Variants in SPIRE2 observed in about 807,000 individuals in gnomAD.
SPIRE2 encodes spire type actin nucleation factor 2, also known as protein spire homolog 2.
In SPIRE2, 76 loss-of-function variants were observed where a neutral mutation model predicts 80.7. The ratio of observed to expected loss-of-function variants is 0.94; its 90% CI spans 0.78 to 1.14. The LOEUF is 1.14. SPIRE2 is among the 50% of genes most tolerant of loss of function. The pLI is 0.00. For missense variants in SPIRE2, 1,196 were observed against 1,015.3 expected (o/e 1.18, Z -2.42); for synonymous variants, 535 against 432.6 (o/e 1.24, Z -2.94).
At chr16:89,842,145 C>T (rs2041511634) in intron 1 of SPIRE2, among the ~76,000 whole-genome samples, 1 of 151,700 alleles carries the variant, frequency 6.6e-6, no homozygotes, top group African/African-American at 2.4e-5. Flanking sequence ...AATCTCTCAT[C>T]TCAGAACCCA....
At chr16:89,855,579 G>C (rs759365275) in intron 5 of SPIRE2, 21 bp from the exon 6 acceptor site, 42 of 1,609,912 alleles carry the variant, frequency 2.6e-5, no homozygotes, top group Admixed American at 8.4e-5. Context: ...CAGGGCCTCA[G>C]ATCAGCCGTC....
rs2041346857 is a variant in SPIRE2, at chr16:89,828,513, C to A, written c.-38C>A. On this transcript the variant is annotated 5_prime_UTR_variant, in exon 1 of 15. Transcript: ENST00000378247. The surrounding 1 kb of genome is among the most constrained non-coding windows in gnomAD (Gnocchi z 5.9). ...GCGGCGGAAGGCGCGGCTGCATGGACGCGGGTCCGGCGCGCGGGAGGCGAT... is the reference window on the plus strand; with the variant it reads ...GCGGCGGAAGGCGCGGCTGCATGGAAGCGGGTCCGGCGCGCGGGAGGCGAT... The A allele has an allele frequency of 9.8e-7, 1 of 1,022,366 alleles. No homozygotes were observed. Among genetic ancestry groups the A allele is most frequent in the South Asian group, 4.5e-5 (1 of 22,366 alleles). 63.3% of individuals were successfully genotyped at this position (1,022,366 alleles called of 1,614,324 possible).
At position 89,850,555 on chromosome 16, in the gene SPIRE2, C is replaced by G; in HGVS notation, c.540C>G (p.Thr180=). The part of the protein sequence containing the change: ...QAMRLCAARL[T]DPRGAQAHYQ... ...TGCGGCTGTGCGCGGCGCGGCTGAC[C>G]GACCCCCGGGGCGCACAGGCGCATT... is the stretch of plus-strand genomic sequence containing the variant. The change falls in exon 3 of 15, where the codon ACC becomes ACG. Residue 180 remains threonine (T), a synonymous_variant. Coordinates refer to ENST00000378247, the MANE Select transcript of SPIRE2 (RefSeq NM_032451.2). 1 of 1,512,616 alleles carries G rather than the reference C, an allele frequency of 6.6e-7. No individual in the cohort carries two copies. Among genetic ancestry groups the G allele is most frequent in the Non-Finnish European group, 8.8e-7 (1 of 1,135,118 alleles). 93.7% of individuals were successfully genotyped at this position (1,512,616 alleles called of 1,614,324 possible).
chr16:89,838,413 ACCTCAGGT>A (rs905759933), intron 1 of SPIRE2, among the ~76,000 whole-genome samples: 30 of 152,046 alleles, frequency 2.0e-4, no homozygotes, highest in Non-Finnish European at 3.5e-4. Flanking sequence ...TGAACCCCTT[ACCTCAGGT>A]GATCGGCCTG....
Position 89,828,516 on chromosome 16 carries a change from G to A in SPIRE2, c.-35G>A, listed in dbSNP as rs2041346916. On this transcript the variant is annotated 5_prime_UTR_variant, in exon 1 of 15. Transcript: ENST00000378247. The surrounding 1 kb of genome is among the most constrained non-coding windows in gnomAD (Gnocchi z 5.9). ...GCGGAAGGCGCGGCTGCATGGACGC[G>A]GGTCCGGCGCGCGGGAGGCGATGAC... 1 of 1,028,226 alleles carries A rather than the reference G, an allele frequency of 9.7e-7. No individual in the cohort carries two copies. The highest frequency in any genetic ancestry group is 1.2e-6 in the Non-Finnish European group (1 of 859,684). The allele number at this position is 1,028,226 out of a possible 1,614,324, so 63.7% of individuals were successfully genotyped here.
chr16:89,828,701 C>T lies in SPIRE2; in HGVS notation c.151C>T (p.Leu51=). The change falls in exon 1 of 15, where the codon CTG becomes TTG. Residue 51 remains leucine, a synonymous_variant. Coordinates refer to ENST00000378247, the MANE Select transcript of SPIRE2 (RefSeq NM_032451.2). The surrounding 1 kb of genome is among the most constrained non-coding windows in gnomAD (Gnocchi z 5.9). The stretch of plus-strand genomic sequence containing the variant: ...CGTGTGCTTCCAGGGCTGCCGCGGG[C>T]TGCGGGGCTCGCCGGGCCGGCGCCT... ...WAVCFQGCRG[L]RGSPGRRLRD... 7.8e-7 allele frequency: 1 copy of T among 1,285,568 alleles called. No individual in the cohort carries two copies. Among genetic ancestry groups the T allele is most frequent in the Non-Finnish European group, 9.9e-7 (1 of 1,013,018 alleles). The allele number at this position is 1,285,568 out of a possible 1,614,324, so 79.6% of individuals were successfully genotyped here.
At position 89,850,318 on chromosome 16, in the gene SPIRE2, C is replaced by A. The variant is rs778060189; in HGVS notation, c.303C>A (p.Leu101=). ...ASSEAQTVQS[L]GFAIYRALDW... is the part of the protein sequence containing the mutation. ...CTGTCCCGCAGACCGTGCAGTCCCT[C>A]GGCTTCGCCATCTACCGCGCGCTGG... The change falls in exon 3 of 15, where the codon CTC becomes CTA. Residue 101 remains leucine (L), a synonymous_variant. Coordinates refer to ENST00000378247, the MANE Select transcript of SPIRE2 (RefSeq NM_032451.2). 1.7e-5 allele frequency: 27 copies of A among 1,603,174 alleles called. No individual in the cohort carries two copies. Among genetic ancestry groups the A allele is most frequent in the Non-Finnish European group, 2.0e-5 (24 of 1,177,368 alleles).
intron 1 of SPIRE2, among the ~76,000 whole-genome samples, chr16:89,836,810 T>A (rs2041454352): frequency 6.9e-6 from 1 of 144,140 alleles, no homozygotes; most frequent in Non-Finnish European, 1.5e-5. Context: ...AGAAACCCCG[T>A]CTCTACTGAA....
At position 89,854,491 on chromosome 16, in the gene SPIRE2, G is replaced by A. The variant is rs553227806; in HGVS notation, c.731G>A (p.Arg244Gln). ...LDSLGHTDWA[R>Q]LWVQLMRELR... Reference sequence around the variant, plus strand: ...TTCTCTTCCCCTGGGGCCCAGGCCCGACTGTGGGTTCAGCTCATGCGGGAG... The same window carrying A: ...TTCTCTTCCCCTGGGGCCCAGGCCCAACTGTGGGTTCAGCTCATGCGGGAG... Residue 244 changes from arginine (R) to glutamine (Q), a missense_variant, in exon 5 of 15, where the codon CGA becomes CAA. Physicochemically the swap from Arg to Gln is conservative, Grantham distance 43. Transcript: ENST00000378247. 5.6e-6 allele frequency: 9 copies of A among 1,612,232 alleles called. No homozygotes were observed. Among genetic ancestry groups the A allele is most frequent in the South Asian group, 2.2e-5 (2 of 91,064 alleles).
In SPIRE2 at chr16:89,828,824, G is replaced by C; in HGVS notation, c.244+30G>C. On this transcript the variant is annotated intron_variant, in intron 1 of 14. Coordinates refer to ENST00000378247, the MANE Select transcript of SPIRE2 (RefSeq NM_032451.2). This position sits in a 1 kb window ranked among gnomAD's most constrained non-coding sequence, Gnocchi z 5.9. Reference sequence around the variant, plus strand: ...GGCCGGGGGCGGGGCAGCCGGCGGGGACCGCGGTCTGGGGCGTCCGTCCCG... The same window carrying C: ...GGCCGGGGGCGGGGCAGCCGGCGGGCACCGCGGTCTGGGGCGTCCGTCCCG... 8.5e-7 allele frequency: 1 copy of C among 1,173,718 alleles called. No individual in the cohort carries two copies. The highest frequency in any genetic ancestry group is 1.6e-5 in the African/African-American group (1 of 62,184). The allele number at this position is 1,173,718 out of a possible 1,614,324, so 72.7% of individuals were successfully genotyped here. A position where few individuals can be genotyped will look rare whatever the true frequency, so the allele number is the denominator to read the frequency against.
chr16:89,839,877 G>T (rs1373875122), intron 1 of SPIRE2, among the ~76,000 whole-genome samples: 4 of 152,246 alleles, frequency 2.6e-5, no homozygotes, highest in African/African-American at 9.6e-5. Context: ...AGGGGGCCCT[G>T]GTGGCCTCAC....
At position 89,828,526 on chromosome 16, in the gene SPIRE2, C is replaced by G; in HGVS notation, c.-25C>G. On this transcript the variant is annotated 5_prime_UTR_variant, in exon 1 of 15. Coordinates refer to ENST00000378247, the MANE Select transcript of SPIRE2 (RefSeq NM_032451.2). The surrounding 1 kb of genome is among the most constrained non-coding windows in gnomAD (Gnocchi z 5.9). ...CGGCTGCATGGACGCGGGTCCGGCG[C>G]GCGGGAGGCGATGACGGCCCCGCCA... 2 of 1,048,904 alleles carry G rather than the reference C, an allele frequency of 1.9e-6. No homozygotes were observed. The highest frequency in any genetic ancestry group is 2.3e-6 in the Non-Finnish European group (2 of 873,054). The allele number at this position is 1,048,904 out of a possible 1,614,324, so 65.0% of individuals were successfully genotyped here. A position where few individuals can be genotyped will look rare whatever the true frequency, so the allele number is the denominator to read the frequency against.
In SPIRE2 at chr16:89,834,988, G is replaced by A. The variant is rs188007828; in HGVS notation, c.244+6194G>A. Among the ~76,000 whole-genome samples, 645 of 143,980 alleles carry A rather than the reference G, an allele frequency of 4.5e-3. 13 individuals carry two copies. Among genetic ancestry groups the A allele is most frequent in the Admixed American group, 0.041 (586 of 14,328 alleles). The allele number at this position is 143,980 out of a possible 152,430, so 94.5% of individuals were successfully genotyped here. A position where few individuals can be genotyped will look rare whatever the true frequency, so the allele number is the denominator to read the frequency against. On this transcript the variant is annotated intron_variant, in intron 1 of 14. Transcript: ENST00000378247. The stretch of plus-strand genomic sequence containing the variant: ...GTAGAAGGCCCCATAAGCATAGCCC[G>A]GGTGAATCTGTGAACCTGCCCGCAC...
At chr16:89,838,214 A>G (rs2041469680) in intron 1 of SPIRE2, among the ~76,000 whole-genome samples, 1 of 121,502 alleles carries the variant, frequency 8.2e-6, no homozygotes. Context: ...ACGGGATCTT[A>G]CCACATTGCC....
chr16:89,842,853 G>A (rs1390034159), intron 1 of SPIRE2, among the ~76,000 whole-genome samples: 2 of 152,194 alleles, frequency 1.3e-5, no homozygotes, highest in African/African-American at 2.4e-5. Flanking sequence ...GCCACACATT[G>A]TTCTATGAAC....
chr16:89,831,851 C>T (rs2041387077), intron 1 of SPIRE2, among the ~76,000 whole-genome samples: 1 of 151,314 alleles, frequency 6.6e-6, no homozygotes, highest in African/African-American at 2.4e-5. Flanking sequence ...AGAGCACTGG[C>T]TCTGGGGTTC....
intron 1 of SPIRE2, among the ~76,000 whole-genome samples, chr16:89,834,093 C>T (rs1428928909): frequency 5.3e-5 from 8 of 151,566 alleles, no homozygotes; most frequent in African/African-American, 1.7e-4. Context: ...CCTGCGCTCG[C>T]GGTTGGCCGT....
Position 89,854,327 on chromosome 16 carries a change from G to A in SPIRE2, c.687G>A (p.Thr229=), listed in dbSNP as rs369365922. 1.2e-4 allele frequency: 194 copies of A among 1,612,486 alleles called. 1 individual carries two copies. In the South Asian group the frequency reaches 1.5e-3, roughly 12 times the overall value. ...GGGAGGACGAGCCGCATCTGGAGAC[G>A]CCTCGGGCAGAGCTGGACAGCCTGG... ...KLREDEPHLE[T]PRAELDSLGH... The change falls in exon 4 of 15, where the codon ACG becomes ACA. Residue 229 remains threonine (T), a synonymous_variant. Coordinates refer to ENST00000378247, the MANE Select transcript of SPIRE2 (RefSeq NM_032451.2).
At chr16:89,829,499 C>CTGG (rs1428656049) in intron 1 of SPIRE2, among the ~76,000 whole-genome samples, 1 of 152,234 alleles carries the variant, frequency 6.6e-6, no homozygotes, top group African/African-American at 2.4e-5. Flanking sequence ...ACCCCAAAAG[C>CTGG]TGGTACCCTG....
Sources: gnomAD v4.1 joint callset for allele counts (sites outside exome capture counted in the v4.1 genomes callset) on GRCh38, gnomAD v4.1.1 for gene constraint, Gnocchi (gnomAD v3.1) non-coding constraint, MANE v1.5 for transcripts, NCBI Gene and HGNC (gene_info 2026-07-23, HGNC 2026-07-21) for gene names.